Variants in SEMA6A observed in about 807,000 individuals in gnomAD.
SEMA6A encodes semaphorin-6A.
Under a neutral mutation model 96.8 loss-of-function variants are expected in SEMA6A, and 25 were observed. The observed-to-expected ratio is 0.26, with a 90% CI of 0.19 to 0.36. The LOEUF is 0.36. Among genes scored for constraint, SEMA6A ranks in the 10% least tolerant of loss-of-function variants. The pLI, the probability that SEMA6A is intolerant of heterozygous loss-of-function variation, is 1.00. For missense variants in SEMA6A, 1,363 were observed against 1,323.1 expected, an observed-to-expected ratio of 1.03 and a Z score of -0.47; for synonymous variants, 612 against 518.0, an observed-to-expected ratio of 1.18 and a Z score of -2.46.
At chr5:116,533,244 T>G (rs1378048495) in intron 1 of SEMA6A, among the ~76,000 whole-genome samples, 1 of 150,188 alleles carries the variant, frequency 6.7e-6, no homozygotes, top group Non-Finnish European at 1.5e-5. Context: ...ATAGATTTCC[T>G]TCTTTGTTTT....
chr5:116,458,464 T>A (rs1259664839), intron 18 of SEMA6A, among the ~76,000 whole-genome samples: 1 of 152,040 alleles, frequency 6.6e-6, no homozygotes, highest in Non-Finnish European at 1.5e-5. Flanking sequence ...AGATGCAGCT[T>A]GAAAAAGTGG....
At chr5:116,457,028 T>C (rs1755056527) in intron 18 of SEMA6A, among the ~76,000 whole-genome samples, 1 of 152,194 alleles carries the variant, frequency 6.6e-6, no homozygotes, top group Non-Finnish European at 1.5e-5. Context: ...TCCTGCTTTA[T>C]AATAATAAAA....
At chr5:116,520,952 G>A (rs1462073966) in intron 1 of SEMA6A, among the ~76,000 whole-genome samples, 1 of 152,158 alleles carries the variant, frequency 6.6e-6, no homozygotes, top group Non-Finnish European at 1.5e-5. Flanking sequence ...GCTGCTCCTA[G>A]GGCTCTGTTG....
chr5:116,460,920 A>C (rs1004745731), intron 18 of SEMA6A, among the ~76,000 whole-genome samples: 1 of 151,616 alleles, frequency 6.6e-6, no homozygotes, highest in Admixed American at 6.6e-5. Context: ...CAAGTAGCTG[A>C]GATTACAGGC....
chr5:116,529,003 G>A (rs1759350841), intron 1 of SEMA6A, among the ~76,000 whole-genome samples: 1 of 152,170 alleles, frequency 6.6e-6, no homozygotes, highest in African/African-American at 2.4e-5. Flanking sequence ...TGTGAAACTG[G>A]CATAATAATA....
chr5:116,570,737 C>T (rs893299904), intron 1 of SEMA6A, among the ~76,000 whole-genome samples: 6 of 152,246 alleles, frequency 3.9e-5, no homozygotes, highest in African/African-American at 1.4e-4. Flanking sequence ...ACAATGTACA[C>T]AGAATAAACT....
rs1754248132 is a variant in SEMA6A at position 116,446,881 on chromosome 5, G to A, written c.2825C>T (p.Ser942Phe). 1 of 1,614,000 alleles carries A rather than the reference G, an allele frequency of 6.2e-7. No homozygotes were observed. The highest frequency in any genetic ancestry group is 8.5e-7 in the Non-Finnish European group (1 of 1,179,898). ...GTTTCTGGAGAGGTGAGAGGAATTG[G>A]AGGAGTTAGTGTTGTTTCTTTTGAG... ...TTLKRNNTNS[S>F]NSSHLSRNQS... Residue 942 changes from serine to phenylalanine, a missense_variant, in exon 19 of 19, where the codon TCC becomes TTC. Ser to Phe is a radical substitution (Grantham distance 155). Around this residue, in one of 2 missense-constraint regions of SEMA6A, gnomAD observed 883 missense variants for 763.6 expected, o/e 1.16. Transcript: ENST00000343348.
At chr5:116,560,271 A>G (rs1760769551) in intron 1 of SEMA6A, among the ~76,000 whole-genome samples, 1 of 152,196 alleles carries the variant, frequency 6.6e-6, no homozygotes, top group Admixed American at 6.5e-5. Context: ...TGGGACAGAG[A>G]ATAGTCAGGC....
intron 1 of SEMA6A, among the ~76,000 whole-genome samples, chr5:116,567,693 C>A (rs1761070042): frequency 6.6e-6 from 1 of 152,200 alleles, no homozygotes; most frequent in African/African-American, 2.4e-5. Context: ...AGCATGACCT[C>A]CGCAATGCCT....
At chr5:116,526,060 T>C (rs970020227) in intron 1 of SEMA6A, among the ~76,000 whole-genome samples, 2 of 151,834 alleles carry the variant, frequency 1.3e-5, no homozygotes, top group South Asian at 4.2e-4. Context: ...AATTTTTCAC[T>C]CTTCGATTGA....
intron 18 of SEMA6A, among the ~76,000 whole-genome samples, chr5:116,463,108 A>T (rs1755519197): frequency 6.6e-6 from 1 of 152,244 alleles, no homozygotes; most frequent in South Asian, 2.1e-4. Flanking sequence ...GCCCCAGTGT[A>T]AACCCTATTC....
At chr5:116,477,971 G>C in intron 14 of SEMA6A, 43 bp downstream of exon 14, 1 of 1,613,850 alleles carries the variant, frequency 6.2e-7, no homozygotes. Flanking sequence ...CTGTTTCCTA[G>C]CCACCATGGA....
chr5:116,508,040 T>G (rs1758230485), intron 1 of SEMA6A: 1 of 152,164 alleles, frequency 6.6e-6, no homozygotes, highest in South Asian at 2.1e-4. Context: ...AATTTTTCCC[T>G]ACAGTTTTTA....
chr5:116,507,778 A>G (rs1758217010), intron 1 of SEMA6A, among the ~76,000 whole-genome samples: 1 of 152,192 alleles, frequency 6.6e-6, no homozygotes, highest in African/African-American at 2.4e-5. Flanking sequence ...AAGTAAGCCT[A>G]TTATATCTGA....
rs756436478 is a variant in SEMA6A, at chr5:116,495,394, A to G, written c.444+19T>C. Reference sequence around the variant, plus strand: ...AATGCCTCCTGGCAGTGTGGTTCCAACCGACAAATAGCATTTACCTTATAG... The same window carrying G: ...AATGCCTCCTGGCAGTGTGGTTCCAGCCGACAAATAGCATTTACCTTATAG... On this transcript the variant is annotated intron_variant, in intron 6 of 18. Coordinates refer to ENST00000343348, the MANE Select transcript of SEMA6A (RefSeq NM_020796.5). 39 of 1,577,180 alleles carry G rather than the reference A, an allele frequency of 2.5e-5. No homozygotes were observed. The highest frequency in any genetic ancestry group is 1.8e-5 in the Non-Finnish European group (21 of 1,153,668).
At chr5:116,497,079 T>C (rs1757638890) in intron 4 of SEMA6A, among the ~76,000 whole-genome samples, 2 of 152,246 alleles carry the variant, frequency 1.3e-5, no homozygotes, top group East Asian at 3.8e-4. Context: ...AAAAGAAATG[T>C]AGAAATTATG....
intron 7 of SEMA6A, among the ~76,000 whole-genome samples, chr5:116,491,439 A>G (rs1757319659): frequency 6.6e-6 from 1 of 150,826 alleles, no homozygotes; most frequent in Non-Finnish European, 1.5e-5. Context: ...TTTTTTTTAC[A>G]TTGGTGGTTT....
chr5:116,562,394 C>A (rs1464382062), intron 1 of SEMA6A, among the ~76,000 whole-genome samples: 1 of 152,164 alleles, frequency 6.6e-6, no homozygotes, highest in Non-Finnish European at 1.5e-5. Context: ...TATATCATAT[C>A]TAACCTTTAT....
intron 6 of SEMA6A, among the ~76,000 whole-genome samples, chr5:116,495,189 A>C (rs1278598782): frequency 6.6e-6 from 1 of 152,226 alleles, no homozygotes; most frequent in African/African-American, 2.4e-5. Flanking sequence ...ACAGAAACTA[A>C]CTTTGCTAGG....
Sources: gnomAD v4.1 joint callset for allele counts (sites outside exome capture counted in the v4.1 genomes callset) on GRCh38, gnomAD v4.1.1 for gene constraint, gnomAD v4.1.1 regional missense constraint, MANE v1.5 for transcripts, NCBI Gene and HGNC (gene_info 2026-07-23, HGNC 2026-07-21) for gene names.